The following EREG variants were observed in gnomAD, a reference collection of about 807,000 sequenced individuals.
EREG encodes epiregulin, also known as proepiregulin.
A neutral mutation model predicts 22.4 loss-of-function variants in EREG; 23 were observed. That is an observed-to-expected ratio of 1.03 (90% CI 0.74 to 1.46). The LOEUF is 1.46. Ranked by LOEUF, EREG falls within the 40% of genes most tolerant of loss-of-function variation. The pLI is 0.00. For synonymous variants in EREG, 100 were observed against 75.4 expected (o/e 1.33, Z -1.69); for missense variants, 226 against 205.9 (o/e 1.10, Z -0.60).
chr4:74,381,540 G>A (rs1219867725), intron 3 of EREG: 1 of 152,830 alleles, frequency 6.5e-6, no homozygotes, highest in Non-Finnish European at 1.5e-5. Flanking sequence ...TAAAAATTAG[G>A]TAGTAAATAG....
intron 4 of EREG, 50 bp from the exon 5 acceptor site, chr4:74,384,677 C>G (rs373110774): frequency 9.5e-7 from 1 of 1,053,618 alleles, no homozygotes; most frequent in Non-Finnish European, 1.5e-6. Flanking sequence ...CACACTTGTT[C>G]CTTTGCTATT....
intron 1 of EREG, among the ~76,000 whole-genome samples, chr4:74,379,195 G>A (rs1752433387): frequency 6.6e-6 from 1 of 152,182 alleles, no homozygotes; most frequent in Non-Finnish European, 1.5e-5. Flanking sequence ...AAATGTTACT[G>A]TGAAATATTT....
At position 74,381,110 on chromosome 4, in the gene EREG, T is replaced by C; in HGVS notation, c.251T>C (p.Leu84Pro). ...GYCLHGQCIY[L>P]VDMSQNYCRC... ...TGTTTGCATGGACAGTGCATCTATC[T>C]GGTGGACATGAGTCAAAACTACTGC... Residue 84 changes from leucine (L) to proline (P), a missense_variant, in exon 3 of 5, where the codon CTG becomes CCG. Transcript: ENST00000244869. The C allele has an allele frequency of 1.2e-6, 2 of 1,613,230 alleles. No homozygotes were observed. The highest frequency in any genetic ancestry group is 1.7e-6 in the Non-Finnish European group (2 of 1,179,642).
At chr4:74,381,235 G>C in intron 3 of EREG, 98 bp downstream of exon 3, 2 of 1,071,740 alleles carry the variant, frequency 1.9e-6, no homozygotes, top group Non-Finnish European at 2.7e-6. Context: ...TTCAGTAGTG[G>C]TGAAGTCTGA....
chr4:74,384,634 C>A (rs1752538269), intron 4 of EREG, 93 bp from the exon 5 acceptor site: 3 of 593,254 alleles, frequency 5.1e-6, no homozygotes, highest in Non-Finnish European at 6.2e-6. Flanking sequence ...TTTGGAAACA[C>A]TATGCTAATG....
At chr4:74,378,297 T>C (rs1222491812) in intron 1 of EREG, among the ~76,000 whole-genome samples, 4 of 152,132 alleles carry the variant, frequency 2.6e-5, no homozygotes, top group African/African-American at 9.7e-5. Flanking sequence ...TCACGCACCC[T>C]AGGCCAATAA....
At chr4:74,377,176 CATT>C (rs1752396773) in intron 1 of EREG, among the ~76,000 whole-genome samples, 1 of 138,978 alleles carries the variant, frequency 7.2e-6, no homozygotes, top group Non-Finnish European at 1.6e-5. Flanking sequence ...AAAAAAAAAA[CATT>C]AGTTTATTTC....
chr4:74,374,673 T>C (rs1752348658), intron 1 of EREG, among the ~76,000 whole-genome samples: 1 of 152,202 alleles, frequency 6.6e-6, no homozygotes, highest in South Asian at 2.1e-4. Context: ...CGACATTTAC[T>C]GCTATTGCCA....
rs189659096 is a variant in EREG at position 74,388,279 on chromosome 4, G to A, written c.*3471G>A. 1.2e-4 allele frequency: 18 copies of A among 152,138 alleles called. No individual in the cohort carries two copies. The highest frequency in any genetic ancestry group is 5.8e-4 in the East Asian group (3 of 5,184). The allele number at this position is 152,138 out of a possible 1,614,324, so 9.4% of individuals were successfully genotyped here. ...ATTTGATGCCCAATATATTCTGACC[G>A]TTAAAAAATTCTTGTTCATATGGGA... On this transcript the variant is annotated 3_prime_UTR_variant, in exon 5 of 5. Coordinates refer to ENST00000244869, the MANE Select transcript of EREG (RefSeq NM_001432.3).
At chr4:74,372,554 A>G (rs1752308614) in intron 1 of EREG, among the ~76,000 whole-genome samples, 1 of 152,188 alleles carries the variant, frequency 6.6e-6, no homozygotes, top group Admixed American at 6.5e-5. Context: ...TTTCTTTTGG[A>G]ATAATAATGT....
Position 74,382,756 on chromosome 4 carries a change from T to C in EREG, c.390T>C (p.Leu130=). ...ALTVILIILF[L]ITVVGSTYYF... is the part of the protein sequence containing the mutation. ...CCGTGATTCTTATTATTTTGTTTCT[T>C]ATCACAGTCGTCGGTTCCACATATT... The change falls in exon 4 of 5, where the codon CTT becomes CTC. Residue 130 remains leucine, a synonymous_variant. Coordinates refer to ENST00000244869, the MANE Select transcript of EREG (RefSeq NM_001432.3). 4.3e-6 allele frequency: 7 copies of C among 1,613,884 alleles called. 1 individual carries two copies. The Middle Eastern group carries it at 9.9e-4, about 228-fold the overall frequency.
intron 1 of EREG, among the ~76,000 whole-genome samples, chr4:74,366,757 TTG>T (rs1403669896): frequency 1.3e-5 from 2 of 152,096 alleles, no homozygotes; most frequent in Non-Finnish European, 2.9e-5. Flanking sequence ...AGTGTGTGTG[TTG>T]TGTGTGTGTT....
At position 74,373,051 on chromosome 4, in the gene EREG, A is replaced by C. The variant is rs185218342; in HGVS notation, c.68-6397A>C. On this transcript the variant is annotated intron_variant, in intron 1 of 4. Transcript: ENST00000244869. ...AGGATGGTCTCGATCTCTTGACCTC[A>C]TGATCCACCAGCCTCAGCCTCCCAA... Among the ~76,000 whole-genome samples the C allele has an allele frequency of 5.1e-5, 7 of 136,374 alleles. No homozygotes were observed. In the East Asian group the frequency reaches 1.3e-3, roughly 25 times the overall value. 89.5% of individuals were successfully genotyped at this position (136,374 alleles called of 152,430 possible).
intron 1 of EREG, among the ~76,000 whole-genome samples, chr4:74,370,977 A>T (rs534186078): frequency 2.0e-5 from 3 of 152,148 alleles, no homozygotes; most frequent in African/African-American, 7.2e-5. Flanking sequence ...TCTTTGTTGC[A>T]GGGAGGCTGT....
chr4:74,372,979 T>C (rs1451321790), intron 1 of EREG, among the ~76,000 whole-genome samples: 4 of 143,534 alleles, frequency 2.8e-5, no homozygotes, highest in African/African-American at 1.0e-4. Flanking sequence ...GGCTAATTTT[T>C]TTTTTTTTTT....
At chr4:74,383,650 A>G (rs1578823636) in intron 4 of EREG, among the ~76,000 whole-genome samples, 1 of 152,210 alleles carries the variant, frequency 6.6e-6, no homozygotes, top group East Asian at 1.9e-4. Context: ...TGAAACAGTT[A>G]CAAATTACTC....
chr4:74,377,124 C>G (rs1752394871), intron 1 of EREG, among the ~76,000 whole-genome samples: 1 of 124,986 alleles, frequency 8.0e-6, no homozygotes, highest in Admixed American at 8.8e-5. Flanking sequence ...AGTTGAGAGT[C>G]AAGGAACATT....
At chr4:74,369,620 G>A (rs1444214967) in intron 1 of EREG, among the ~76,000 whole-genome samples, 1 of 152,018 alleles carries the variant, frequency 6.6e-6, no homozygotes. Flanking sequence ...AATCTTTTAG[G>A]TTAAAAATTC....
chr4:74,385,011 A>T lies in EREG; in HGVS notation c.*203A>T, dbSNP rs978172682. The stretch of plus-strand genomic sequence containing the variant: ...AATGTGCAGAAAATATTTAATATCA[A>T]AAGAAAATTGATATTTTTATACAAG... On this transcript the variant is annotated 3_prime_UTR_variant, in exon 5 of 5. Coordinates refer to ENST00000244869, the MANE Select transcript of EREG (RefSeq NM_001432.3). The T allele has an allele frequency of 2.4e-6, 1 of 420,986 alleles. No individual in the cohort carries two copies. Among genetic ancestry groups the T allele is most frequent in the Non-Finnish European group, 4.3e-6 (1 of 234,428 alleles). 26.1% of individuals were successfully genotyped at this position (420,986 alleles called of 1,614,324 possible).
Sources: allele counts gnomAD v4.1 joint callset (sites outside exome capture counted in the v4.1 genomes callset), GRCh38; gene constraint gnomAD v4.1.1; transcripts MANE v1.5; gene names NCBI Gene and HGNC (gene_info 2026-07-23, HGNC 2026-07-21).